JHY: variants seen among roughly 807,000 people sequenced by gnomAD.
The protein encoded by JHY is jhy protein homolog.
Under a neutral mutation model 78.0 loss-of-function variants are expected in JHY, and 69 were observed. The ratio of observed to expected loss-of-function variants is 0.88; its 90% CI spans 0.73 to 1.08. The LOEUF is 1.08. Among genes scored for constraint, JHY ranks in the 50% least tolerant of loss-of-function variants. The probability of loss-of-function intolerance (pLI) is 0.00; values close to 1 mark genes in which losing one functional copy is unlikely to be tolerated. For missense variants in JHY, 944 were observed against 927.8 expected, an observed-to-expected ratio of 1.02 and a Z score of -0.23; for synonymous variants, 368 against 342.6, an observed-to-expected ratio of 1.07 and a Z score of -0.82.
chr11:122,888,009 T>C (rs942591572), intron 2 of JHY, among the ~76,000 whole-genome samples: 5 of 150,232 alleles, frequency 3.3e-5, no homozygotes, highest in African/African-American at 1.2e-4. Context: ...TCCTGAGTCT[T>C]TTCTTTCTTT....
chr11:122,905,066 T>C, intron 3 of JHY: 1 of 896,228 alleles, frequency 1.1e-6, no homozygotes. Context: ...CCATTGAAAA[T>C]CACATCATTT....
At chr11:122,900,511 CTTTTTTTTTTT>C (rs374998954) in intron 2 of JHY, among the ~76,000 whole-genome samples, 2 of 65,098 alleles carry the variant, frequency 3.1e-5, no homozygotes. Flanking sequence ...ATACTACCAG[CTTTTTTTTTTT>C]TTTTTTTTTT....
intron 2 of JHY, among the ~76,000 whole-genome samples, chr11:122,897,134 C>T (rs375581293): frequency 1.3e-5 from 2 of 152,182 alleles, no homozygotes; most frequent in Non-Finnish European, 2.9e-5. Context: ...GGATTACAGG[C>T]GTGAGCCACC....
rs1862436554 is a variant in JHY at position 122,883,768 on chromosome 11, T to G, written c.-90+796T>G. ...TTGCTCTTTGCATACTTTAGCAAAC[T>G]TCAGGAATCTGCTAACATCAGCAAA... On this transcript the variant is annotated intron_variant, in intron 1 of 8. Transcript: ENST00000227349. This position sits in a 1 kb window ranked among gnomAD's most constrained non-coding sequence, Gnocchi z 4.4. Among the ~76,000 whole-genome samples, 1 of 152,242 alleles carries G rather than the reference T, an allele frequency of 6.6e-6. No individual in the cohort carries two copies. Among genetic ancestry groups the G allele is most frequent in the South Asian group, 2.1e-4 (1 of 4,838 alleles).
At chr11:122,913,226 C>T (rs1231207164) in intron 3 of JHY, among the ~76,000 whole-genome samples, 1 of 152,146 alleles carries the variant, frequency 6.6e-6, no homozygotes, top group Non-Finnish European at 1.5e-5. Flanking sequence ...CTAGGGATTA[C>T]AGAACGCTAC....
chr11:122,937,249 T>G (rs1231730974), intron 5 of JHY, among the ~76,000 whole-genome samples: 4 of 151,794 alleles, frequency 2.6e-5, no homozygotes, highest in Non-Finnish European at 5.9e-5. Flanking sequence ...TTTCTTTTTT[T>G]TTTTTTTTAA....
Position 122,934,355 on chromosome 11 carries a change from A to AATAT in JHY, c.979-65_979-64insATAT, listed in dbSNP as rs201778639. On this transcript the variant is annotated intron_variant, in intron 4 of 8. Coordinates refer to ENST00000227349, the MANE Select transcript of JHY (RefSeq NM_024806.4). Reference sequence around the variant, plus strand: ...AAATAAATAAATAAATAAATAAATAATAAAATAAAATTTGTGAAGAGTGCC... The same window carrying AATAT: ...AAATAAATAAATAAATAAATAAATAAATATTAAAATAAAATTTGTGAAGAGTGCC... The AATAT allele has an allele frequency of 3.8e-5, 24 of 638,018 alleles. No individual in the cohort carries two copies. In the South Asian group the frequency reaches 8.6e-4, roughly 23 times the overall value. 39.5% of individuals were successfully genotyped at this position (638,018 alleles called of 1,614,324 possible). A position where few individuals can be genotyped will look rare whatever the true frequency, so the allele number is the denominator to read the frequency against.
At chr11:122,920,076 C>G (rs1211262139) in intron 3 of JHY, among the ~76,000 whole-genome samples, 1 of 152,214 alleles carries the variant, frequency 6.6e-6, no homozygotes, top group Middle Eastern at 3.2e-3. Flanking sequence ...GTGTCTCCAC[C>G]TCTTTTGCTG....
intron 2 of JHY, among the ~76,000 whole-genome samples, chr11:122,896,740 C>T (rs562351847): frequency 6.6e-5 from 10 of 152,320 alleles, no homozygotes; most frequent in South Asian, 2.1e-4. Flanking sequence ...CTGAATGTGA[C>T]GTACAGCAAG....
intron 6 of JHY, among the ~76,000 whole-genome samples, chr11:122,950,360 A>G (rs1864062165): frequency 6.6e-6 from 1 of 152,214 alleles, no homozygotes; most frequent in South Asian, 2.1e-4. Context: ...CAGTACATAT[A>G]GATTACCAGG....
chr11:122,910,789 A>G (rs1863103794), intron 3 of JHY, among the ~76,000 whole-genome samples: 1 of 152,202 alleles, frequency 6.6e-6, no homozygotes, highest in Non-Finnish European at 1.5e-5. Context: ...TTATGCTTGT[A>G]ATTAATGGCT....
rs1863468080 is a variant in JHY at position 122,925,099 on chromosome 11, G to T, written c.978+89G>T. 5.7e-6 allele frequency: 6 copies of T among 1,052,002 alleles called. 1 individual carries two copies. The East Asian group carries it at 1.6e-4, about 28-fold the overall frequency. 65.2% of individuals were successfully genotyped at this position (1,052,002 alleles called of 1,614,324 possible). A position where few individuals can be genotyped will look rare whatever the true frequency, so the allele number is the denominator to read the frequency against. On this transcript the variant is annotated intron_variant, in intron 4 of 8. Coordinates refer to ENST00000227349, the MANE Select transcript of JHY (RefSeq NM_024806.4). The stretch of plus-strand genomic sequence containing the variant: ...GTGACTGAGTTCTTATCACTTAAGG[G>T]TTTATTTTTATGCCTGAGAATAATT...
At chr11:122,948,667 TA>T (rs150805848) in intron 6 of JHY, among the ~76,000 whole-genome samples, 1,904 of 152,064 alleles carry the variant, frequency 0.013, 44 homozygotes, top group African/African-American at 0.043. Flanking sequence ...AATAATAATG[TA>T]GGCATGCATG....
At chr11:122,903,375 T>G (rs1239677958) in intron 2 of JHY, among the ~76,000 whole-genome samples, 4 of 152,368 alleles carry the variant, frequency 2.6e-5, no homozygotes, top group Non-Finnish European at 5.9e-5. Flanking sequence ...CCCCCATTTT[T>G]ATTCCATATT....
At position 122,904,173 on chromosome 11, in the gene JHY, C is replaced by G. The variant is rs908266996; in HGVS notation, c.593C>G (p.Pro198Arg). 2.7e-5 allele frequency: 43 copies of G among 1,614,024 alleles called. No individual in the cohort carries two copies. The highest frequency in any genetic ancestry group is 3.6e-5 in the Non-Finnish European group (42 of 1,180,036). Residue 198 changes from proline (P) to arginine (R), a missense_variant, in exon 3 of 9, where the codon CCA becomes CGA. By Grantham distance (103) the Pro-to-Arg change is moderately radical. Coordinates refer to ENST00000227349, the MANE Select transcript of JHY (RefSeq NM_024806.4). ...ASLLGSEFLS[P>R]NYEHGARRSK... ...TTACTTGGTAGTGAATTTTTAAGCC[C>G]AAACTATGAGCATGGTGCCCGTCGC... is the stretch of plus-strand genomic sequence containing the variant.
chr11:122,925,570 C>T (rs1863478839), intron 4 of JHY, among the ~76,000 whole-genome samples: 1 of 152,094 alleles, frequency 6.6e-6, no homozygotes, highest in African/African-American at 2.4e-5. Context: ...TGAAATTCTC[C>T]ACACTGTTTT....
At chr11:122,922,809 C>CAAAAAAAAAAAAAAAAAA (rs571482464) in intron 3 of JHY, among the ~76,000 whole-genome samples, 8 of 44,372 alleles carry the variant, frequency 1.8e-4, no homozygotes, top group African/African-American at 3.6e-4. Context: ...GACTCCGTCT[C>CAAAAAAAAAAAAAAAAAA]AAAAAAAAAA....
Position 122,946,509 on chromosome 11 carries a change from C to A in JHY, c.1646C>A (p.Ser549Tyr). ...RNLEMLWKFH[S>Y]SSDSQTVRAS... The stretch of plus-strand genomic sequence containing the variant: ...TTTTTTTCATTAAGGAAATTCCATT[C>A]TTCTTCTGACAGCCAGACGGTTAGA... Residue 549 changes from serine to tyrosine, a missense_variant, in exon 6 of 9, where the codon TCT becomes TAT. Coordinates refer to ENST00000227349, the MANE Select transcript of JHY (RefSeq NM_024806.4). 6.5e-7 allele frequency: 1 copy of A among 1,545,722 alleles called. No homozygotes were observed. The highest frequency in any genetic ancestry group is 8.7e-7 in the Non-Finnish European group (1 of 1,149,118).
intron 5 of JHY, among the ~76,000 whole-genome samples, chr11:122,941,065 A>G (rs1443140979): frequency 6.6e-6 from 1 of 152,128 alleles, no homozygotes; most frequent in Non-Finnish European, 1.5e-5. Context: ...GCATAGTAAT[A>G]TGTTCTAGGT....
Sources: allele counts gnomAD v4.1 joint callset (sites outside exome capture counted in the v4.1 genomes callset), GRCh38; gene constraint gnomAD v4.1.1; non-coding constraint Gnocchi (gnomAD v3.1); transcripts MANE v1.5; gene names NCBI Gene and HGNC (gene_info 2026-07-23, HGNC 2026-07-21).